PRKG1: variants seen among roughly 807,000 people sequenced by gnomAD.
PRKG1 encodes cGMP-dependent protein kinase 1.
Under a neutral mutation model 88.1 loss-of-function variants are expected in PRKG1, and 35 were observed. That is an observed-to-expected ratio of 0.40 (90% confidence interval 0.30 to 0.53). The LOEUF (loss-of-function observed/expected upper bound fraction) is 0.53. Among genes scored for constraint, PRKG1 ranks in the 20% least tolerant of loss-of-function variants. The probability of loss-of-function intolerance (pLI) is 0.59; values close to 1 mark genes in which losing one functional copy is unlikely to be tolerated. For missense variants in PRKG1, 540 were observed against 839.8 expected, an observed-to-expected ratio of 0.64 and a Z score of 4.41; for synonymous variants, 303 against 292.5, an observed-to-expected ratio of 1.04 and a Z score of -0.37.
intron 5 of PRKG1, among the ~76,000 whole-genome samples, chr10:51,948,691 G>A (rs1220626309): frequency 6.6e-6 from 1 of 152,018 alleles, no homozygotes. Flanking sequence ...GAGTTTCAAC[G>A]AGCCAACTAG....
At chr10:51,706,511 C>T (rs949593509) in intron 3 of PRKG1, among the ~76,000 whole-genome samples, 22 of 150,114 alleles carry the variant, frequency 1.5e-4, no homozygotes, top group Admixed American at 1.2e-3. Context: ...CGAAGTCCAG[C>T]CCAATTTTTT....
intron 2 of PRKG1, among the ~76,000 whole-genome samples, chr10:51,197,202 A>G (rs1188391886): frequency 1.3e-5 from 2 of 152,184 alleles, no homozygotes; most frequent in African/African-American, 4.8e-5. Context: ...AAAGCAATAA[A>G]GGAAGGTTTC....
intron 7 of PRKG1, among the ~76,000 whole-genome samples, chr10:52,063,017 T>C (rs1008592845): frequency 2.0e-5 from 3 of 152,180 alleles, no homozygotes; most frequent in Admixed American, 1.3e-4. Context: ...TACAAACAAT[T>C]GTTATGGGGT....
At chr10:51,152,858 A>G (rs1324625585) in intron 1 of PRKG1, among the ~76,000 whole-genome samples, 1 of 151,902 alleles carries the variant, frequency 6.6e-6, no homozygotes, top group East Asian at 1.9e-4. Context: ...TTTTCTAGCA[A>G]TCTTTGTGAT....
chr10:52,194,243 T>A (rs147551733), intron 9 of PRKG1, among the ~76,000 whole-genome samples: 71 of 152,282 alleles, frequency 4.7e-4, no homozygotes, highest in African/African-American at 1.7e-3. Context: ...TCGACTATTA[T>A]TCTATATCAT....
At chr10:51,951,392 G>A (rs1843180560) in intron 5 of PRKG1, among the ~76,000 whole-genome samples, 1 of 152,170 alleles carries the variant, frequency 6.6e-6, no homozygotes, top group Admixed American at 6.5e-5. Flanking sequence ...AAACTTAGAT[G>A]GTTGCCTGCC....
chr10:51,345,437 C>G (rs1057066862), intron 2 of PRKG1, among the ~76,000 whole-genome samples: 3 of 151,920 alleles, frequency 2.0e-5, no homozygotes, highest in African/African-American at 7.3e-5. Flanking sequence ...TTGAGTGTTA[C>G]TGTGCTTGAT....
chr10:51,139,449 A>G (rs186029623), intron 1 of PRKG1, among the ~76,000 whole-genome samples: 121 of 152,110 alleles, frequency 8.0e-4, no homozygotes, highest in Non-Finnish European at 1.5e-3. Flanking sequence ...CCTGATGTCC[A>G]CTGCCCTGGT....
chr10:52,122,035 G>T (rs191777664), intron 7 of PRKG1, among the ~76,000 whole-genome samples: 4 of 152,318 alleles, frequency 2.6e-5, no homozygotes, highest in Non-Finnish European at 4.4e-5. Flanking sequence ...AATACCCGAA[G>T]TTGGGGAAAC....
At chr10:51,096,985 G>A (rs1844545960) in intron 1 of PRKG1, among the ~76,000 whole-genome samples, 1 of 152,206 alleles carries the variant, frequency 6.6e-6, no homozygotes, top group Non-Finnish European at 1.5e-5. Context: ...GCATTAGCCA[G>A]TTTGGAAATC....
rs1842785029 is a variant in PRKG1 at position 50,991,735 on chromosome 10, C to T, written c.266+91C>T. 5 of 997,672 alleles carry T rather than the reference C, an allele frequency of 5.0e-6. No homozygotes were observed. Among genetic ancestry groups the T allele is most frequent in the East Asian group, 8.6e-5 (1 of 11,602 alleles). 61.8% of individuals were successfully genotyped at this position (997,672 alleles called of 1,614,324 possible). A position where few individuals can be genotyped will look rare whatever the true frequency, so the allele number is the denominator to read the frequency against. ...GCCGCGGCGGCGGGGGCGGGTCGGC[C>T]CAGGGCGCCCCCTGCTCGCTGCGGC... is the stretch of plus-strand genomic sequence containing the variant. On this transcript the variant is annotated intron_variant, in intron 1 of 17. Coordinates refer to the PRKG1 transcript ENST00000401604. This position sits in a 1 kb window ranked among gnomAD's most constrained non-coding sequence, Gnocchi z 4.5.
At chr10:51,647,771 A>G (rs986254963) in intron 3 of PRKG1, among the ~76,000 whole-genome samples, 29 of 152,178 alleles carry the variant, frequency 1.9e-4, no homozygotes, top group Admixed American at 1.1e-3. Context: ...TATAACTGCC[A>G]CTACCTCTTA....
At chr10:51,333,572 C>T (rs568882008) in intron 2 of PRKG1, among the ~76,000 whole-genome samples, 2 of 152,210 alleles carry the variant, frequency 1.3e-5, no homozygotes, top group Admixed American at 6.5e-5. Flanking sequence ...TAGAACATAG[C>T]GAGGTGCTCA....
At chr10:51,610,303 C>T (rs759477060) in intron 3 of PRKG1, among the ~76,000 whole-genome samples, 1 of 152,132 alleles carries the variant, frequency 6.6e-6, no homozygotes, top group African/African-American at 2.4e-5. Context: ...TACACCCTTT[C>T]CAGTCTCTGG....
chr10:52,117,024 C>G (rs762449652), intron 7 of PRKG1, among the ~76,000 whole-genome samples: 13 of 151,960 alleles, frequency 8.6e-5, no homozygotes, highest in Non-Finnish European at 8.8e-5. Flanking sequence ...GGTTAATGCA[C>G]CTTATGTGAT....
At chr10:51,938,225 A>G (rs769011701) in intron 5 of PRKG1, among the ~76,000 whole-genome samples, 9 of 152,062 alleles carry the variant, frequency 5.9e-5, no homozygotes, top group Non-Finnish European at 1.2e-4. Context: ...TATACACGTA[A>G]GTTTTATTAA....
At chr10:51,141,613 G>T (rs547805416) in intron 1 of PRKG1, among the ~76,000 whole-genome samples, 2 of 152,278 alleles carry the variant, frequency 1.3e-5, no homozygotes, top group East Asian at 3.9e-4. Context: ...TACTGAAAGG[G>T]ACAAAGTTTT....
chr10:52,067,770 G>A (rs1358016361), intron 7 of PRKG1, among the ~76,000 whole-genome samples: 1 of 151,460 alleles, frequency 6.6e-6, no homozygotes, highest in Admixed American at 6.6e-5. Context: ...ACCAAAGAGA[G>A]GGTAAAATGT....
rs559682172 is a variant in PRKG1 at position 51,332,416 on chromosome 10, A to T, written c.479-135307A>T. ...TTTCTACTCCCCTCCACCTAAAAAA[A>T]TCACACTGAGGAAGGTGAAAAAGAT... is the stretch of plus-strand genomic sequence containing the variant. On this transcript the variant is annotated intron_variant, in intron 2 of 17. Transcript: ENST00000373980. 1.0e-3 allele frequency among the ~76,000 whole-genome samples: 155 copies of T among 152,280 alleles called. 1 individual carries two copies. Among genetic ancestry groups the T allele is most frequent in the African/African-American group, 3.6e-3 (150 of 41,568 alleles).
Sources: gnomAD v4.1 joint callset for allele counts (sites outside exome capture counted in the v4.1 genomes callset) on GRCh38, gnomAD v4.1.1 for gene constraint, Gnocchi (gnomAD v3.1) non-coding constraint, MANE v1.5 for transcripts, NCBI Gene and HGNC (gene_info 2026-07-23, HGNC 2026-07-21) for gene names.